The following CHD8 variants were observed in gnomAD, a reference collection of about 807,000 sequenced individuals.
CHD8 encodes ATP-dependent chromatin remodeler CHD8.
CHD8 carries 31 observed loss-of-function variants against 279.2 expected under a neutral mutation model. The observed-to-expected ratio is 0.11, with a 90% CI of 0.08 to 0.15. The LOEUF (loss-of-function observed/expected upper bound fraction) is 0.15, where lower values mean the gene tolerates loss of function less well. Among genes scored for constraint, CHD8 ranks in the 10% least tolerant of loss-of-function variants. The pLI is 1.00. For missense variants in CHD8, 2,146 were observed against 3,230.5 expected (o/e 0.66, Z 8.14); for synonymous variants, 1,081 against 1,139.6 (o/e 0.95, Z 1.04).
At chr14:21,447,016 A>T (rs569039972) in intron 1 of CHD8, among the ~76,000 whole-genome samples, 1 of 152,320 alleles carries the variant, frequency 6.6e-6, no homozygotes, top group South Asian at 2.1e-4. Flanking sequence ...TGTTGAAGGA[A>T]TGCACTGAAT....
intron 1 of CHD8, among the ~76,000 whole-genome samples, chr14:21,445,361 G>A (rs1235993201): frequency 6.6e-6 from 1 of 151,690 alleles, no homozygotes; most frequent in Non-Finnish European, 1.5e-5. Context: ...CACGAGGTCA[G>A]GAATTCAAGA....
chr14:21,437,389 C>A (rs1889833467), intron 1 of CHD8: 2 of 448,224 alleles, frequency 4.5e-6, no homozygotes, highest in Admixed American at 1.1e-4. Flanking sequence ...CCTTCCCCCT[C>A]CCCCGCAGGT....
chr14:21,398,818 A>G (rs796944065), intron 26 of CHD8: 8 of 190,272 alleles, frequency 4.2e-5, no homozygotes, highest in African/African-American at 1.7e-4. Context: ...CTGCTGCCTC[A>G]TACCTATATC....
In CHD8 at chr14:21,395,817, C is replaced by G. The variant is rs749031417; in HGVS notation, c.5127G>C (p.Glu1709Asp). 3.8e-6 allele frequency: 6 copies of G among 1,584,818 alleles called. No homozygotes were observed. The Admixed American group carries it at 5.1e-5, about 13-fold the overall frequency. The change falls in exon 28 of 38, where the codon GAG becomes GAC. Residue 1709 changes from glutamate to aspartate, a missense_variant and splice_region_variant. Glu to Asp is a conservative substitution (Grantham distance 45). Transcript: ENST00000646647. Reference protein sequence around the residue: ...LQGPPKDQDDEGDPLMMMDEE... With the variant: ...LQGPPKDQDDDGDPLMMMDEE... ...TGAGACTCAAATGAGAATTCCTTAC[C>G]TCATCATCTTGGTCCTTTGGGGGAC...
rs753432637 is a variant in CHD8 at position 21,428,151 on chromosome 14, G to C, written c.1319C>G (p.Ser440Trp). 1.2e-6 allele frequency: 2 copies of C among 1,613,902 alleles called. No homozygotes were observed. Among genetic ancestry groups the C allele is most frequent in the Admixed American group, 3.3e-5 (2 of 60,006 alleles). ...LSSPASSAPH[S>W]GGKTGMEENR... ...TTCCTCCATTCCTGTCTTTCCCCCC[G>C]AATGAGGAGCAGAGCTTGCTGGTGA... Residue 440 changes from serine to tryptophan, a missense_variant, in exon 4 of 38, where the codon TCG (serine) becomes TGG (tryptophan). Ser to Trp is a radical substitution (Grantham distance 177). Transcript: ENST00000646647.
rs759443087 is a variant in CHD8 at position 21,431,225 on chromosome 14, G to A, written c.419C>T (p.Ala140Val). ...SQGNPFMGVS[A>V]TAVSSSSAGG... ...AGCACTACTGGAGGAGACAGCTGTG[G>A]CAGAGACACCCATGAAAGGATTCCC... Residue 140 changes from alanine (A) to valine (V), a missense_variant, in exon 2 of 38, where the codon GCC (alanine) becomes GTC (valine). By Grantham distance (64) the Ala-to-Val change is moderately conservative. This residue lies in a region of CHD8 where 302 missense variants were observed against 325.5 expected (regional missense o/e 0.93). Coordinates refer to ENST00000646647, the MANE Select transcript of CHD8 (RefSeq NM_001170629.2). 1 of 1,598,900 alleles carries A rather than the reference G, an allele frequency of 6.3e-7. No homozygotes were observed. Among genetic ancestry groups the A allele is most frequent in the Non-Finnish European group, 8.5e-7 (1 of 1,179,552 alleles).
chr14:21,408,297 A>G lies in CHD8; in HGVS notation c.2730+15T>C, dbSNP rs749598240. ...CTTTCTCTAACTCATAGTATTCCCA[A>G]GACATGCAACTCACCCGTGAATCTT... is the stretch of plus-strand genomic sequence containing the variant. On this transcript the variant is annotated intron_variant, in intron 13 of 37. Coordinates refer to ENST00000646647, the MANE Select transcript of CHD8 (RefSeq NM_001170629.2). The surrounding 1 kb of genome is among the most constrained non-coding windows in gnomAD (Gnocchi z 4.3). The G allele has an allele frequency of 6.2e-7, 1 of 1,607,858 alleles. No individual in the cohort carries two copies. Among genetic ancestry groups the G allele is most frequent in the South Asian group, 1.1e-5 (1 of 91,038 alleles).
intron 1 of CHD8, among the ~76,000 whole-genome samples, chr14:21,441,851 T>A (rs937821299): frequency 6.6e-6 from 1 of 151,986 alleles, no homozygotes; most frequent in Non-Finnish European, 1.5e-5. Flanking sequence ...ATTGCGCCAC[T>A]GCACTCCAGC....
rs1889576564 is a variant in CHD8 at position 21,431,821 on chromosome 14, C to G, written c.-178G>C. 7 of 1,613,446 alleles carry G rather than the reference C, an allele frequency of 4.3e-6. No individual in the cohort carries two copies. The highest frequency in any genetic ancestry group is 5.9e-6 in the Non-Finnish European group (7 of 1,179,490). ...TCAGATTGTCCTGACCTTCATGGAG[C>G]AAGATGGCTACGTCTTCAGAGGAAG... On this transcript the variant is annotated 5_prime_UTR_variant, in exon 2 of 38. Coordinates refer to ENST00000646647, the MANE Select transcript of CHD8 (RefSeq NM_001170629.2).
chr14:21,439,565 C>T (rs1594388617), intron 1 of CHD8, among the ~76,000 whole-genome samples: 1 of 152,184 alleles, frequency 6.6e-6, no homozygotes, highest in East Asian at 1.9e-4. Flanking sequence ...TATCTGACTC[C>T]TATTTCTGCT....
rs1889536509 is a variant in CHD8, at chr14:21,430,888, T to C, written c.756A>G (p.Pro252=). Residue 252 remains proline, a synonymous_variant, in exon 2 of 38, where the codon CCA becomes CCG. Transcript: ENST00000646647. The part of the protein sequence containing the change: ...SRPVKQLVLQ[P]VKGSAPAGNP... ...TTCCAGCAGGAGCTGAACCCTTAACTGGCTGGAGGACCAGCTGCTTTACTG... is the reference window on the plus strand; with the variant it reads ...TTCCAGCAGGAGCTGAACCCTTAACCGGCTGGAGGACCAGCTGCTTTACTG... The C allele has an allele frequency of 3.1e-6, 5 of 1,599,442 alleles. No homozygotes were observed. Among genetic ancestry groups the C allele is most frequent in the Non-Finnish European group, 4.2e-6 (5 of 1,179,738 alleles).
At position 21,429,012 on chromosome 14, in the gene CHD8, G is replaced by A. The variant is rs1172217275; in HGVS notation, c.1167C>T (p.Ser389=). 3.1e-6 allele frequency: 5 copies of A among 1,613,762 alleles called. No individual in the cohort carries two copies. The highest frequency in any genetic ancestry group is 2.2e-5 in the East Asian group (1 of 44,892). The part of the protein sequence containing the change: ...QQAQIMGPGQ[S]PGQRLSVPVK... ...CTGGTACTGAAAGTCTTTGTCCTGG[G>A]CTTTGTCCTGGTCCCATTATCTGAG... is the stretch of plus-strand genomic sequence containing the variant. The change falls in exon 3 of 38, where the codon AGC becomes AGT. Residue 389 remains serine (S), a synonymous_variant. Transcript: ENST00000646647.
chr14:21,419,206 C>A (rs1888897556), intron 5 of CHD8, among the ~76,000 whole-genome samples: 1 of 151,414 alleles, frequency 6.6e-6, no homozygotes, highest in East Asian at 1.9e-4. Flanking sequence ...CTTAAAATGA[C>A]CTTTTTAAAA....
intron 4 of CHD8, chr14:21,427,041 A>C (rs1037439802): frequency 6.6e-6 from 1 of 152,294 alleles, no homozygotes; most frequent in African/African-American, 2.4e-5. Context: ...AACTCCCAGC[A>C]CAGTAACTAT....
At chr14:21,447,296 G>A (rs761853507) in intron 1 of CHD8, among the ~76,000 whole-genome samples, 4 of 152,018 alleles carry the variant, frequency 2.6e-5, no homozygotes, top group South Asian at 2.1e-4. Context: ...TAGTTACCCC[G>A]TTAGGGTTAG....
intron 37 of CHD8, 110 bp downstream of exon 37, chr14:21,390,836 CA>C: frequency 1.6e-6 from 1 of 642,858 alleles, no homozygotes; most frequent in East Asian, 2.8e-5. Flanking sequence ...ATTCTTCACA[CA>C]AACAAACATA....
chr14:21,422,029 C>T (rs1375874213), intron 5 of CHD8, among the ~76,000 whole-genome samples: 1 of 152,104 alleles, frequency 6.6e-6, no homozygotes, highest in Non-Finnish European at 1.5e-5. Context: ...GGATTTCTAG[C>T]CTCCAGAACT....
intron 5 of CHD8, among the ~76,000 whole-genome samples, chr14:21,417,189 T>C (rs1409899557): frequency 1.3e-5 from 2 of 152,168 alleles, no homozygotes; most frequent in Non-Finnish European, 2.9e-5. Context: ...ATTCATACAT[T>C]TTTGGTGAGA....
At chr14:21,390,526 TC>T (rs1001005792) in intron 37 of CHD8, among the ~76,000 whole-genome samples, 5 of 152,140 alleles carry the variant, frequency 3.3e-5, no homozygotes, top group African/African-American at 1.2e-4. Flanking sequence ...AGGCCTGTAA[TC>T]CCAACACTTT....
Sources: gnomAD v4.1 joint callset for allele counts (sites outside exome capture counted in the v4.1 genomes callset) on GRCh38, gnomAD v4.1.1 for gene constraint, gnomAD v4.1.1 regional missense constraint, Gnocchi (gnomAD v3.1) non-coding constraint, MANE v1.5 for transcripts, NCBI Gene and HGNC (gene_info 2026-07-23, HGNC 2026-07-21) for gene names.